Variants in SLC27A6 observed in about 807,000 individuals in gnomAD.
SLC27A6 encodes solute carrier family 27 member 6, also known as long-chain fatty acid transport protein 6.
In SLC27A6, 74 loss-of-function variants were observed where a neutral mutation model predicts 63.9. That is an observed-to-expected ratio of 1.16 (90% CI 0.96 to 1.40). The LOEUF is 1.40. Among genes scored for constraint, SLC27A6 ranks in the 40% most tolerant of loss-of-function variants. The pLI is 0.00. For missense variants in SLC27A6, 794 were observed against 732.9 expected (o/e 1.08, Z -0.96); for synonymous variants, 287 against 260.8 (o/e 1.10, Z -0.97).
intron 3 of SLC27A6, among the ~76,000 whole-genome samples, 197 bp downstream of exon 3, chr5:128,988,955 T>G (rs554989080): frequency 6.3e-4 from 96 of 152,240 alleles, no homozygotes; most frequent in African/African-American, 2.2e-3. Context: ...AAAAGAACAG[T>G]TTTCTGAGGA....
At chr5:128,987,557 A>C (rs1254268105) in intron 2 of SLC27A6, among the ~76,000 whole-genome samples, 6 of 152,186 alleles carry the variant, frequency 3.9e-5, no homozygotes, top group Non-Finnish European at 7.4e-5. Flanking sequence ...ATTTTCAAAA[A>C]ATTATTATTG....
intron 4 of SLC27A6, among the ~76,000 whole-genome samples, chr5:128,994,280 A>C (rs1218792419): frequency 6.6e-6 from 1 of 152,182 alleles, no homozygotes; most frequent in African/African-American, 2.4e-5. Flanking sequence ...ACTGAGGAGG[A>C]AAGAAGGAAA....
chr5:129,017,906 T>C (rs942507963), intron 5 of SLC27A6, among the ~76,000 whole-genome samples: 1 of 152,126 alleles, frequency 6.6e-6, no homozygotes, highest in African/African-American at 2.4e-5. Context: ...GAGCAAATAA[T>C]TCCTCTGTTA....
At chr5:128,994,982 A>G (rs1482607230) in intron 4 of SLC27A6, among the ~76,000 whole-genome samples, 2 of 152,216 alleles carry the variant, frequency 1.3e-5, no homozygotes, top group Non-Finnish European at 2.9e-5. Context: ...TTTCAGAAAA[A>G]GAGACTGACT....
At chr5:128,967,938 T>A (rs1050726255) in intron 1 of SLC27A6, among the ~76,000 whole-genome samples, 1 of 151,356 alleles carries the variant, frequency 6.6e-6, no homozygotes, top group Non-Finnish European at 1.5e-5. Context: ...CAGGCCCTGG[T>A]GTGTGATGTT....
chr5:129,024,787 A>G lies in SLC27A6; in HGVS notation c.1255+1077A>G, dbSNP rs115047455. Among the ~76,000 whole-genome samples, 510 of 152,288 alleles carry G rather than the reference A, an allele frequency of 3.3e-3. 3 individuals carry two copies. Among genetic ancestry groups the G allele is most frequent in the African/African-American group, 0.012 (494 of 41,574 alleles). ...TTGCCTTAAAATATGTTGAAACTGC[A>G]TTTCAGAAGTGGCTTCCTAAATCTT... On this transcript the variant is annotated intron_variant, in intron 6 of 9. Coordinates refer to ENST00000262462, the MANE Select transcript of SLC27A6 (RefSeq NM_001017372.3).
chr5:128,990,975 G>C (rs778220605), intron 4 of SLC27A6, among the ~76,000 whole-genome samples: 2 of 152,216 alleles, frequency 1.3e-5, no homozygotes, highest in Non-Finnish European at 2.9e-5. Context: ...GTGAGCAAAA[G>C]CTCAGCTTGA....
Position 129,033,238 on chromosome 5 carries a change from A to G in SLC27A6, c.1816A>G (p.Arg606Gly). 1.9e-6 allele frequency: 3 copies of G among 1,589,582 alleles called. No homozygotes were observed. The highest frequency in any genetic ancestry group is 1.7e-6 in the Non-Finnish European group (2 of 1,167,280). Residue 606 changes from arginine to glycine, a missense_variant, in exon 10 of 10, where the codon AGG (arginine) becomes GGG (glycine). Arg to Gly is a moderately radical substitution (Grantham distance 125). Coordinates refer to ENST00000262462, the MANE Select transcript of SLC27A6 (RefSeq NM_001017372.3). ...NLKKSYVLLT[R>G]ELYDQIMLGE... ...GAAAAAGTCTTATGTTCTACTGACC[A>G]GGGAACTTTATGATCAAATAATGTT...
chr5:128,979,141 G>T (rs535633537), intron 1 of SLC27A6, among the ~76,000 whole-genome samples: 39 of 104,310 alleles, frequency 3.7e-4, no homozygotes, highest in African/African-American at 1.2e-3. Context: ...CTGCATAATG[G>T]CAGAGACAGC....
chr5:128,990,091 G>A (rs563103239), intron 3 of SLC27A6, among the ~76,000 whole-genome samples: 1 of 152,256 alleles, frequency 6.6e-6, no homozygotes, highest in South Asian at 2.1e-4. Context: ...TATTTTGACT[G>A]TTGCTTTTCT....
chr5:129,019,519 G>A (rs112803869), intron 5 of SLC27A6, among the ~76,000 whole-genome samples: 9 of 151,664 alleles, frequency 5.9e-5, no homozygotes, highest in African/African-American at 1.4e-4. Context: ...TCCCCAAAAC[G>A]ACCAGGAAAT....
rs1580755119 is a variant in SLC27A6, at chr5:129,032,999, CTAGATA to C, written c.1684-104_1684-99del. 1.1e-5 allele frequency: 6 copies of C among 561,198 alleles called. No individual in the cohort carries two copies. In the Admixed American group the frequency reaches 1.2e-4, roughly 12 times the overall value. The allele number at this position is 561,198 out of a possible 1,614,324, so 34.8% of individuals were successfully genotyped here. ...AAATTATTAGAAAATACAGAGATCACTAGATATAAAGTGTCATAATTTAATATTACA... is the reference window on the plus strand; with the variant it reads ...AAATTATTAGAAAATACAGAGATCACTAAAGTGTCATAATTTAATATTACA... On this transcript the variant is annotated intron_variant, in intron 9 of 9. Transcript: ENST00000262462.
At position 129,011,575 on chromosome 5, in the gene SLC27A6, A is replaced by T. The variant is rs568068060; in HGVS notation, c.970-4310A>T. Among the ~76,000 whole-genome samples the T allele has an allele frequency of 1.1e-3, 174 of 152,310 alleles. 1 individual carries two copies. Among genetic ancestry groups the T allele is most frequent in the African/African-American group, 3.9e-3 (164 of 41,562 alleles). ...TAGTAAGGAAAGAATGAACTTAAAT[A>T]GATTTATGCAGCACAAAAAGCATCA... On this transcript the variant is annotated intron_variant, in intron 4 of 9. Transcript: ENST00000262462.
chr5:129,016,645 T>C lies in SLC27A6; in HGVS notation c.1164+566T>C, dbSNP rs139893403. ...CTTGTTCTGTTTCCAAATTTAATGA[T>C]ATAATTTATAAATAGCAAGCATAGG... On this transcript the variant is annotated intron_variant, in intron 5 of 9. Transcript: ENST00000262462. Among the ~76,000 whole-genome samples, 3 of 152,186 alleles carry C rather than the reference T, an allele frequency of 2.0e-5. No homozygotes were observed. In the East Asian group the frequency reaches 5.8e-4, roughly 29 times the overall value.
rs1490559236 is a variant in SLC27A6, at chr5:129,027,207, A to T, written c.1330A>T (p.Thr444Ser). 6.2e-7 allele frequency: 1 copy of T among 1,613,568 alleles called. No homozygotes were observed. The change falls in exon 7 of 10, where the codon ACA (threonine) becomes TCA (serine). Residue 444 changes from threonine (T) to serine (S), a missense_variant. Physicochemically the swap from Thr to Ser is moderately conservative, Grantham distance 58. Coordinates refer to ENST00000262462, the MANE Select transcript of SLC27A6 (RefSeq NM_001017372.3). Reference sequence around the variant, plus strand: ...TGGCTATGCTGGGCCTTATAAGCACACAAAAGACAAATTGCTTTGTGATGT... The same window carrying T: ...TGGCTATGCTGGGCCTTATAAGCACTCAAAAGACAAATTGCTTTGTGATGT... ...FFGYAGPYKH[T>S]KDKLLCDVFK... is the part of the protein sequence containing the mutation.
At chr5:128,997,337 G>A (rs1019378773) in intron 4 of SLC27A6, among the ~76,000 whole-genome samples, 1 of 152,084 alleles carries the variant, frequency 6.6e-6, no homozygotes, top group African/African-American at 2.4e-5. Context: ...GGTTGAGAAA[G>A]TAATCTCTCT....
chr5:128,977,456 G>A (rs949218948), intron 1 of SLC27A6, among the ~76,000 whole-genome samples: 3 of 152,064 alleles, frequency 2.0e-5, no homozygotes, highest in African/African-American at 7.2e-5. Flanking sequence ...AAAGGTGAGA[G>A]AGAAAAGGAA....
intron 1 of SLC27A6, among the ~76,000 whole-genome samples, chr5:128,976,126 C>T (rs1298883063): frequency 6.6e-6 from 1 of 151,920 alleles, no homozygotes; most frequent in African/African-American, 2.4e-5. Context: ...AAACAGATAC[C>T]ATGTATGGAT....
intron 4 of SLC27A6, among the ~76,000 whole-genome samples, chr5:128,997,148 T>C (rs905473753): frequency 1.3e-5 from 2 of 152,196 alleles, no homozygotes; most frequent in African/African-American, 4.8e-5. Flanking sequence ...TTAGTAACTT[T>C]TTAAAAATAG....
Sources: gnomAD v4.1 joint callset for allele counts (sites outside exome capture counted in the v4.1 genomes callset) on GRCh38, gnomAD v4.1.1 for gene constraint, MANE v1.5 for transcripts, NCBI Gene and HGNC (gene_info 2026-07-23, HGNC 2026-07-21) for gene names.